Variants in ADIPOR2 observed in about 807,000 individuals in gnomAD.
The protein encoded by ADIPOR2 is adiponectin receptor protein 2.
ADIPOR2 carries 18 observed loss-of-function variants against 40.9 expected under a neutral mutation model. The ratio of observed to expected loss-of-function variants is 0.44; its 90% CI spans 0.30 to 0.65. The LOEUF is 0.65. Ranked by LOEUF, ADIPOR2 falls within the 30% of genes least tolerant of loss-of-function variation. The probability of loss-of-function intolerance (pLI) is 0.09; values close to 1 mark genes in which losing one functional copy is unlikely to be tolerated. For missense variants in ADIPOR2, 283 were observed against 479.2 expected, an observed-to-expected ratio of 0.59 and a Z score of 3.82; for synonymous variants, 165 against 166.4, an observed-to-expected ratio of 0.99 and a Z score of 0.06.
intron 1 of ADIPOR2, among the ~76,000 whole-genome samples, chr12:1,734,284 C>CT (rs574187666): frequency 1.5e-3 from 226 of 152,248 alleles, no homozygotes; most frequent in African/African-American, 5.1e-3. Context: ...TGTTTCCTGA[C>CT]TTTTTAATGA....
intron 1 of ADIPOR2, among the ~76,000 whole-genome samples, chr12:1,750,413 A>T (rs1241153330): frequency 6.6e-6 from 1 of 151,610 alleles, no homozygotes; most frequent in African/African-American, 2.4e-5. Flanking sequence ...TAAAAAAAAA[A>T]AAAAAAGGCC....
chr12:1,765,876 C>T (rs1296056283), intron 2 of ADIPOR2, among the ~76,000 whole-genome samples: 1 of 152,178 alleles, frequency 6.6e-6, no homozygotes, highest in Admixed American at 6.5e-5. Context: ...ATTTTCTAAT[C>T]CTAATTTCTC....
chr12:1,702,750 T>A (rs920041410), intron 1 of ADIPOR2: 5 of 152,242 alleles, frequency 3.3e-5, no homozygotes, highest in African/African-American at 1.2e-4. Flanking sequence ...TTTATATGGT[T>A]TGTTTTGTTA....
chr12:1,746,482 C>T (rs117819085), intron 1 of ADIPOR2, among the ~76,000 whole-genome samples: 2,187 of 151,516 alleles, frequency 0.014, 23 homozygotes, highest in Non-Finnish European at 0.021. Flanking sequence ...AACAAGACTG[C>T]CTCAAAAACA....
intron 1 of ADIPOR2, among the ~76,000 whole-genome samples, chr12:1,727,826 C>A (rs2094711037): frequency 6.6e-6 from 1 of 151,000 alleles, no homozygotes; most frequent in Non-Finnish European, 1.5e-5. Context: ...ACAGGCCTGG[C>A]TGCAGATGCC....
At chr12:1,755,514 C>G (rs991817083) in intron 2 of ADIPOR2, among the ~76,000 whole-genome samples, 1 of 152,182 alleles carries the variant, frequency 6.6e-6, no homozygotes, top group Non-Finnish European at 1.5e-5. Flanking sequence ...ATTCGAATTG[C>G]GTGTTAGAGC....
chr12:1,779,263 C>T (rs1275662561), intron 4 of ADIPOR2, among the ~76,000 whole-genome samples: 1 of 152,190 alleles, frequency 6.6e-6, no homozygotes, highest in African/African-American at 2.4e-5. Flanking sequence ...AAAGTAGAAG[C>T]AACCCAGATG....
At chr12:1,772,007 G>A (rs1862502581) in intron 2 of ADIPOR2, among the ~76,000 whole-genome samples, 1 of 152,234 alleles carries the variant, frequency 6.6e-6, no homozygotes, top group African/African-American at 2.4e-5. Context: ...GATGTTAGTG[G>A]TGGAGCTGGC....
At chr12:1,708,039 A>T (rs201817408) in intron 1 of ADIPOR2, among the ~76,000 whole-genome samples, 1 of 142,360 alleles carries the variant, frequency 7.0e-6, no homozygotes, top group African/African-American at 2.5e-5. Flanking sequence ...AATGTTTGGT[A>T]AAAAAATAAC....
At chr12:1,757,924 G>C in intron 2 of ADIPOR2, 1 of 893,462 alleles carries the variant, frequency 1.1e-6, no homozygotes, top group South Asian at 1.3e-5. Context: ...GTGGATGGAC[G>C]AGGAGCAAAC....
chr12:1,784,084 C>A lies in ADIPOR2; in HGVS notation c.1032+11C>A. ...AAATGTGACATCTGGGTAAGTATGT[C>A]GGGGTGACTGAGTGTGTAGGTATCT... is the stretch of plus-strand genomic sequence containing the variant. On this transcript the variant is annotated intron_variant, in intron 7 of 7. Coordinates refer to ENST00000357103, the MANE Select transcript of ADIPOR2 (RefSeq NM_024551.3). 6.4e-7 allele frequency: 1 copy of A among 1,564,998 alleles called. No homozygotes were observed. The highest frequency in any genetic ancestry group is 1.8e-5 in the Admixed American group (1 of 56,058).
chr12:1,725,256 G>C (rs553618701), intron 1 of ADIPOR2, among the ~76,000 whole-genome samples: 1 of 151,986 alleles, frequency 6.6e-6, no homozygotes, highest in South Asian at 2.1e-4. Flanking sequence ...CGAGTAGTTG[G>C]GATTATAGGC....
intron 1 of ADIPOR2, among the ~76,000 whole-genome samples, chr12:1,714,619 G>A (rs1307411857): frequency 2.0e-5 from 3 of 152,082 alleles, no homozygotes; most frequent in African/African-American, 4.8e-5. Context: ...CAGGTTAACA[G>A]ATGTTCACGA....
intron 2 of ADIPOR2, 23 bp from the exon 3 acceptor site, chr12:1,772,819 C>T: frequency 1.9e-6 from 3 of 1,592,634 alleles, no homozygotes; most frequent in Non-Finnish European, 2.6e-6. Context: ...CTGTCCTTGA[C>T]TGTTTCTGTG....
At chr12:1,714,466 G>A (rs149623358) in intron 1 of ADIPOR2, among the ~76,000 whole-genome samples, 1 of 152,220 alleles carries the variant, frequency 6.6e-6, no homozygotes, top group African/African-American at 2.4e-5. Flanking sequence ...AGTGAGTCGG[G>A]TAACAGGGAA....
rs572960775 is a variant in ADIPOR2, at chr12:1,770,343, A to G, written c.172-2499A>G. On this transcript the variant is annotated intron_variant, in intron 2 of 7. Transcript: ENST00000357103. ...ATTAGCCATATTGTGTTTTATGTAC[A>G]TATCTGTAGTTTTGAAATGGCTGAC... Among the ~76,000 whole-genome samples the G allele has an allele frequency of 2.9e-4, 44 of 152,336 alleles. 1 individual carries two copies. The South Asian group carries it at 4.1e-3, about 14-fold the overall frequency.
chr12:1,724,118 A>C (rs1265968816), intron 1 of ADIPOR2, among the ~76,000 whole-genome samples: 1 of 151,654 alleles, frequency 6.6e-6, no homozygotes, highest in African/African-American at 2.4e-5. Flanking sequence ...AGTGGCTGGG[A>C]TTACAGGTGC....
chr12:1,692,439 C>T (rs1482102421), intron 1 of ADIPOR2, among the ~76,000 whole-genome samples: 1 of 152,196 alleles, frequency 6.6e-6, no homozygotes, highest in African/African-American at 2.4e-5. Flanking sequence ...GATTTCCACA[C>T]ATGTGGCAGC....
intron 1 of ADIPOR2, among the ~76,000 whole-genome samples, chr12:1,747,793 T>C (rs981671077): frequency 1.3e-5 from 2 of 152,186 alleles, no homozygotes; most frequent in Admixed American, 1.3e-4. Context: ...CAGCTGCTAA[T>C]CTTACTGGGT....
Sources: allele counts gnomAD v4.1 joint callset (sites outside exome capture counted in the v4.1 genomes callset), GRCh38; gene constraint gnomAD v4.1.1; transcripts MANE v1.5; gene names NCBI Gene and HGNC (gene_info 2026-07-23, HGNC 2026-07-21).